PDE9A: variants seen among roughly 807,000 people sequenced by gnomAD.
PDE9A encodes the protein high affinity cGMP-specific 3',5'-cyclic phosphodiesterase 9A.
PDE9A carries 60 observed loss-of-function variants against 87.4 expected under a neutral mutation model. The ratio of observed to expected loss-of-function variants is 0.69; its 90% confidence interval spans 0.56 to 0.85. The LOEUF (loss-of-function observed/expected upper bound fraction) is 0.85. Among genes scored for constraint, PDE9A ranks in the 40% least tolerant of loss-of-function variants. The pLI is 0.00. For missense variants in PDE9A, 665 were observed against 779.0 expected (o/e 0.85, Z 1.74); for synonymous variants, 272 against 279.4 (o/e 0.97, Z 0.27).
intron 1 of PDE9A, among the ~76,000 whole-genome samples, chr21:42,669,726 C>A (rs1237711815): frequency 6.6e-6 from 1 of 152,144 alleles, no homozygotes. Context: ...ATCTGCCCAG[C>A]GGAGTTAAGT....
chr21:42,686,096 CT>C, intron 1 of PDE9A, 95 bp from the exon 2 acceptor site: 1 of 846,250 alleles, frequency 1.2e-6, no homozygotes, highest in Non-Finnish European at 2.0e-6. Flanking sequence ...CAAAACGAAC[CT>C]TCAGTTTGGA....
At chr21:42,737,191 C>T (rs764873854) in intron 7 of PDE9A, among the ~76,000 whole-genome samples, 2 of 152,212 alleles carry the variant, frequency 1.3e-5, no homozygotes, top group Non-Finnish European at 2.9e-5. Flanking sequence ...TCCGACACCC[C>T]GATGCACAGG....
chr21:42,727,077 C>CA (rs34249348), intron 4 of PDE9A, among the ~76,000 whole-genome samples: 6,453 of 81,734 alleles, frequency 0.079, 407 homozygotes, highest in African/African-American at 0.15. Context: ...TCTATTTCTA[C>CA]AAAAAAAAAA....
rs183706995 is a variant in PDE9A at position 42,733,147 on chromosome 21, A to G, written c.498-209A>G. Among the ~76,000 whole-genome samples the G allele has an allele frequency of 1.5e-3, 235 of 152,278 alleles. 2 individuals are homozygous for G. The highest frequency in any genetic ancestry group is 5.3e-3 in the African/African-American group (222 of 41,572). On this transcript the variant is annotated intron_variant, in intron 6 of 19. Transcript: ENST00000291539. ...CCAACCAGCCCAGAAAATACACCTC[A>G]TGATACTTTGGTGATTCTTTCCTCC...
At chr21:42,697,131 G>A (rs1408684141) in intron 3 of PDE9A, among the ~76,000 whole-genome samples, 1 of 151,992 alleles carries the variant, frequency 6.6e-6, no homozygotes, top group East Asian at 1.9e-4. Flanking sequence ...GGAGAATCAA[G>A]GGGACAGAGG....
chr21:42,699,549 T>C (rs192208568), intron 4 of PDE9A, among the ~76,000 whole-genome samples: 10 of 114,286 alleles, frequency 8.7e-5, no homozygotes, highest in African/African-American at 2.9e-4. Context: ...ATCCTTTTTC[T>C]TTTTCTTTTT....
At chr21:42,709,584 C>A (rs2049126846) in intron 4 of PDE9A, among the ~76,000 whole-genome samples, 1 of 152,218 alleles carries the variant, frequency 6.6e-6, no homozygotes, top group African/African-American at 2.4e-5. Flanking sequence ...GTGGAGTGCT[C>A]TGCCTATTTT....
At chr21:42,727,503 T>TC (rs1240575898) in intron 4 of PDE9A, among the ~76,000 whole-genome samples, 3 of 144,440 alleles carry the variant, frequency 2.1e-5, no homozygotes, top group African/African-American at 7.9e-5. Flanking sequence ...TTTTTTTTTT[T>TC]TTTTTTTTTT....
At chr21:42,697,382 A>ACC in intron 3 of PDE9A, 1 of 1,362,746 alleles carries the variant, frequency 7.3e-7, no homozygotes. Flanking sequence ...TGGTGTGTAT[A>ACC]CCCCTCCATA....
At chr21:42,669,022 T>C (rs1186874595) in intron 1 of PDE9A, among the ~76,000 whole-genome samples, 2 of 151,720 alleles carry the variant, frequency 1.3e-5, no homozygotes, top group Non-Finnish European at 2.9e-5. Context: ...TTTCCCCCAT[T>C]GCATACACGC....
In PDE9A at chr21:42,759,126, G is replaced by A. The variant is rs1437283711; in HGVS notation, c.897+41G>A. 1.4e-6 allele frequency: 2 copies of A among 1,417,818 alleles called. No individual in the cohort carries two copies. The highest frequency in any genetic ancestry group is 2.3e-5 in the South Asian group (2 of 86,428). The allele number at this position is 1,417,818 out of a possible 1,614,324, so 87.8% of individuals were successfully genotyped here. On this transcript the variant is annotated intron_variant, in intron 11 of 19. Coordinates refer to ENST00000291539, the MANE Select transcript of PDE9A (RefSeq NM_002606.3). The surrounding 1 kb of genome is among the most constrained non-coding windows in gnomAD (Gnocchi z 7.2). ...GCCTTCGGTTCTTCCTGGGCACGTG[G>A]TTTCATCCAGTTCCACAGGAATGGA...
intron 4 of PDE9A, among the ~76,000 whole-genome samples, chr21:42,699,248 A>AG (rs1349721489): frequency 6.6e-6 from 1 of 152,212 alleles, no homozygotes; most frequent in African/African-American, 2.4e-5. Context: ...TTCTAACCCC[A>AG]GGGAGAATAG....
At chr21:42,693,758 A>G (rs920102597) in intron 3 of PDE9A, among the ~76,000 whole-genome samples, 5 of 151,512 alleles carry the variant, frequency 3.3e-5, no homozygotes, top group Non-Finnish European at 4.4e-5. Flanking sequence ...ACACCTGGCT[A>G]ATTTTGTATT....
At chr21:42,698,092 G>A (rs2060239519) in intron 3 of PDE9A, among the ~76,000 whole-genome samples, 1 of 152,216 alleles carries the variant, frequency 6.6e-6, no homozygotes, top group South Asian at 2.1e-4. Flanking sequence ...CTGTGTGCTT[G>A]TGTTTCATTC....
At position 42,775,280 on chromosome 21, in the gene PDE9A, G is replaced by A. The variant is rs2057405387; in HGVS notation, c.1769G>A (p.Gly590Glu). 3.7e-6 allele frequency: 6 copies of A among 1,611,874 alleles called. No individual in the cohort carries two copies. The highest frequency in any genetic ancestry group is 5.1e-6 in the Non-Finnish European group (6 of 1,179,138). The change falls in exon 20 of 20, where the codon GGA becomes GAA. Residue 590 changes from glycine to glutamate, a missense_variant and splice_region_variant. By Grantham distance (98) the Gly-to-Glu change is moderately conservative. Transcript: ENST00000291539. Reference sequence around the variant, plus strand: ...TCAGTCATCGTTTCCCTTCTTCCAGGAGACTGTGCCTGAGGAAAGCGGGGG... The same window carrying A: ...TCAGTCATCGTTTCCCTTCTTCCAGAAGACTGTGCCTGAGGAAAGCGGGGG... Reference protein sequence around the residue: ...ERSRDVKNSEGDCA With the variant: ...ERSRDVKNSEEDCA
At chr21:42,708,381 T>C (rs1315585746) in intron 4 of PDE9A, among the ~76,000 whole-genome samples, 2 of 152,198 alleles carry the variant, frequency 1.3e-5, no homozygotes, top group East Asian at 1.9e-4. Context: ...ATGGAGATGA[T>C]GACAGCTGAA....
At chr21:42,710,016 G>A (rs958041676) in intron 4 of PDE9A, among the ~76,000 whole-genome samples, 1 of 152,122 alleles carries the variant, frequency 6.6e-6, no homozygotes, top group Non-Finnish European at 1.5e-5. Context: ...TCTTATTGTG[G>A]GCATCCTTGT....
At chr21:42,768,660 C>T (rs1327630522) in intron 16 of PDE9A, 31 of 985,402 alleles carry the variant, frequency 3.1e-5, no homozygotes, top group East Asian at 1.1e-4. Flanking sequence ...CAGATGGCCA[C>T]GGGGAAGGTC....
At chr21:42,721,410 C>T (rs541663773) in intron 4 of PDE9A, among the ~76,000 whole-genome samples, 7 of 152,308 alleles carry the variant, frequency 4.6e-5, no homozygotes, top group Admixed American at 3.3e-4. Flanking sequence ...GTGGCTGAAA[C>T]GCCAGTGATC....
Sources: gnomAD v4.1 joint callset for allele counts (sites outside exome capture counted in the v4.1 genomes callset) on GRCh38, gnomAD v4.1.1 for gene constraint, Gnocchi (gnomAD v3.1) non-coding constraint, MANE v1.5 for transcripts, NCBI Gene and HGNC (gene_info 2026-07-23, HGNC 2026-07-21) for gene names.